SH3BP2: variants seen among roughly 807,000 people sequenced by gnomAD.
SH3BP2 encodes the protein SH3 domain binding protein 2.
Under a neutral mutation model 56.2 loss-of-function variants are expected in SH3BP2, and 38 were observed. The ratio of observed to expected loss-of-function variants is 0.68; its 90% CI spans 0.52 to 0.89. The LOEUF (loss-of-function observed/expected upper bound fraction) is 0.89, where lower values mean the gene tolerates loss of function less well. SH3BP2 is among the 40% of genes least tolerant of loss of function. The probability of loss-of-function intolerance (pLI) is 0.00; values close to 1 mark genes in which losing one functional copy is unlikely to be tolerated. For missense variants in SH3BP2, 748 were observed against 762.6 expected, an observed-to-expected ratio of 0.98 and a Z score of 0.23; for synonymous variants, 346 against 316.7, an observed-to-expected ratio of 1.09 and a Z score of -0.98.
intron 1 of SH3BP2, among the ~76,000 whole-genome samples, chr4:2,797,711 C>T (rs73791901): frequency 0.013 from 1,998 of 152,248 alleles, 45 homozygotes; most frequent in African/African-American, 0.046. Flanking sequence ...GTCCGCCTGC[C>T]CCTCCTGCTT....
intron 1 of SH3BP2, chr4:2,809,811 C>G: frequency 1.0e-6 from 1 of 985,592 alleles, no homozygotes; most frequent in Non-Finnish European, 1.2e-6. Flanking sequence ...GCCCTGCTGG[C>G]TGGCTCCCAC....
chr4:2,798,923 G>A (rs998110592), intron 1 of SH3BP2: 5 of 913,862 alleles, frequency 5.5e-6, no homozygotes, highest in African/African-American at 1.8e-5. Context: ...CATGGGATGC[G>A]TGAGGGTGAG....
intron 1 of SH3BP2, among the ~76,000 whole-genome samples, chr4:2,807,773 G>C (rs111930449): frequency 0.041 from 6,239 of 152,288 alleles, 184 homozygotes; most frequent in Non-Finnish European, 0.065. Context: ...GGGTGAACGC[G>C]AGGCCAGGAG....
At position 2,831,612 on chromosome 4, in the gene SH3BP2, T is replaced by A. The variant is rs746684325; in HGVS notation, c.1283T>A (p.Phe428Tyr). The A allele has an allele frequency of 1.9e-6, 3 of 1,603,438 alleles. No homozygotes were observed. The South Asian group carries it at 3.4e-5, about 18-fold the overall frequency. ...PDGQSFRSFS[F>Y]EKPRQPSQAD... Reference sequence around the variant, plus strand: ...GGGCAGAGTTTCAGGAGCTTCTCCTTTGAAAAGCCCCGGCAACCCTCACAG... The same window carrying A: ...GGGCAGAGTTTCAGGAGCTTCTCCTATGAAAAGCCCCGGCAACCCTCACAG... Residue 428 changes from phenylalanine (F) to tyrosine (Y), a missense_variant, in exon 9 of 13, where the codon TTT becomes TAT. Physicochemically the swap from Phe to Tyr is conservative, Grantham distance 22 (BLOSUM62 3). Coordinates refer to ENST00000503393, the MANE Select transcript of SH3BP2 (RefSeq NM_001122681.2). This position sits in a 1 kb window ranked among gnomAD's most constrained non-coding sequence, Gnocchi z 4.1.
At chr4:2,797,350 C>T (rs893200321) in intron 1 of SH3BP2, among the ~76,000 whole-genome samples, 4 of 152,210 alleles carry the variant, frequency 2.6e-5, no homozygotes, top group African/African-American at 9.7e-5. Context: ...GCCTCTGGGG[C>T]AGTGGTGGAC....
Position 2,829,891 on chromosome 4 carries a change from A to G in SH3BP2, c.985A>G (p.Arg329Gly). 1 of 1,613,872 alleles carries G rather than the reference A, an allele frequency of 6.2e-7. No homozygotes were observed. Among genetic ancestry groups the G allele is most frequent in the Non-Finnish European group, 8.5e-7 (1 of 1,180,022 alleles). The change falls in exon 8 of 13, where the codon AGA becomes GGA. Residue 329 changes from arginine to glycine, a missense_variant. This residue lies in a region of SH3BP2 where 635 missense variants were observed against 615.0 expected (regional missense o/e 1.03). Coordinates refer to ENST00000503393, the MANE Select transcript of SH3BP2 (RefSeq NM_001122681.2). The surrounding 1 kb of genome is among the most constrained non-coding windows in gnomAD (Gnocchi z 4.9). ...SAAIMATATS[R>G]NCDKLKSFHL... ...TGCCATCATGGCCACTGCCACCTCC[A>G]GAAACTGTGACAAACTCAAGTCCTT...
At chr4:2,797,064 C>A (rs1019808092) in intron 1 of SH3BP2, among the ~76,000 whole-genome samples, 1 of 152,128 alleles carries the variant, frequency 6.6e-6, no homozygotes, top group Admixed American at 6.6e-5. Context: ...TGGGCAGCTC[C>A]GTTTGGGGGA....
intron 1 of SH3BP2, chr4:2,798,877 C>T: frequency 2.7e-6 from 2 of 727,866 alleles, no homozygotes; most frequent in South Asian, 6.1e-5. Context: ...CATCCTCCGC[C>T]TTCTCTGGGC....
At chr4:2,801,045 C>T (rs1371734307) in intron 1 of SH3BP2, among the ~76,000 whole-genome samples, 1 of 124,058 alleles carries the variant, frequency 8.1e-6, no homozygotes, top group East Asian at 2.1e-4. Context: ...GGGGGCTGGA[C>T]AGTTGCATGG....
chr4:2,802,532 A>G (rs28515617), intron 1 of SH3BP2, among the ~76,000 whole-genome samples: 14 of 140,876 alleles, frequency 9.9e-5, no homozygotes, highest in South Asian at 2.2e-4. Flanking sequence ...ATATATATGT[A>G]TGTGTGTGTG....
At chr4:2,806,553 G>A (rs1421843157) in intron 1 of SH3BP2, among the ~76,000 whole-genome samples, 3 of 152,130 alleles carry the variant, frequency 2.0e-5, no homozygotes, top group Non-Finnish European at 2.9e-5. Flanking sequence ...AGTGCCAGCC[G>A]TGGCTTCCCC....
At chr4:2,796,204 G>T (rs1723056749) in intron 1 of SH3BP2, among the ~76,000 whole-genome samples, 1 of 152,184 alleles carries the variant, frequency 6.6e-6, no homozygotes, top group Admixed American at 6.5e-5. Flanking sequence ...TGCTGGATTT[G>T]GGTTCCGTGC....
In SH3BP2 at chr4:2,810,274, A is replaced by C. The variant is rs1723691380; in HGVS notation, c.-4-10340A>C. On this transcript the variant is annotated intron_variant, in intron 1 of 12. Coordinates refer to ENST00000503393, the MANE Select transcript of SH3BP2 (RefSeq NM_001122681.2). This position sits in a 1 kb window ranked among gnomAD's most constrained non-coding sequence, Gnocchi z 4.2. ...TGGTGTGGATTTGTCCCCCACCCCC[A>C]GGGTCCCCTCACCTGGCCTGCTCCT... Among the ~76,000 whole-genome samples the C allele has an allele frequency of 6.6e-6, 1 of 151,708 alleles. No homozygotes were observed. The highest frequency in any genetic ancestry group is 1.5e-5 in the Non-Finnish European group (1 of 67,916).
intron 1 of SH3BP2, chr4:2,799,216 G>A: frequency 1.0e-6 from 1 of 985,542 alleles, no homozygotes; most frequent in Non-Finnish European, 1.2e-6. Flanking sequence ...GACCCTGGGG[G>A]TGGAATCTCT....
intron 1 of SH3BP2, among the ~76,000 whole-genome samples, chr4:2,811,182 C>T (rs1263991580): frequency 5.3e-5 from 8 of 152,226 alleles, no homozygotes; most frequent in Admixed American, 5.2e-4. Context: ...GCTCCTTAGC[C>T]TGGGAGCTGC....
chr4:2,795,703 A>G (rs1166943112), intron 1 of SH3BP2, among the ~76,000 whole-genome samples: 1 of 152,204 alleles, frequency 6.6e-6, no homozygotes, highest in Non-Finnish European at 1.5e-5. Flanking sequence ...CCATGCAGGT[A>G]CAGACAGACT....
At chr4:2,820,775 G>T (rs1454823392) in intron 2 of SH3BP2, 22 bp downstream of exon 2, 2 of 1,608,010 alleles carry the variant, frequency 1.2e-6, no homozygotes, top group Admixed American at 1.7e-5. Context: ...GGGTGGTAGG[G>T]TGCACAGTAG....
At chr4:2,805,651 A>G (rs1723504212) in intron 1 of SH3BP2, among the ~76,000 whole-genome samples, 1 of 152,134 alleles carries the variant, frequency 6.6e-6, no homozygotes, top group South Asian at 2.1e-4. Context: ...GCCAACAGAC[A>G]TGCTGAAAAT....
intron 1 of SH3BP2, chr4:2,809,948 C>A (rs536886055): frequency 5.0e-6 from 2 of 396,794 alleles, no homozygotes; most frequent in East Asian, 1.6e-4. Context: ...CCAGGGCTGC[C>A]CATTGAGGCG....
Sources: allele counts gnomAD v4.1 joint callset (sites outside exome capture counted in the v4.1 genomes callset), GRCh38; gene constraint gnomAD v4.1.1; regional missense constraint gnomAD v4.1.1; non-coding constraint Gnocchi (gnomAD v3.1); transcripts MANE v1.5; gene names NCBI Gene and HGNC (gene_info 2026-07-23, HGNC 2026-07-21).